Variants in EPRS1 observed in about 807,000 individuals in gnomAD.
EPRS1 encodes the protein glutamyl-prolyl-tRNA synthetase 1, also known as bifunctional glutamate/proline--tRNA ligase.
A neutral mutation model predicts 188.3 loss-of-function variants in EPRS1; 107 were observed. The ratio of observed to expected loss-of-function variants is 0.57; its 90% CI spans 0.49 to 0.67. EPRS1 has a LOEUF of 0.67. EPRS1 is among the 30% of genes least tolerant of loss of function. The pLI is 0.00. For synonymous variants in EPRS1, 596 were observed against 593.1 expected, an observed-to-expected ratio of 1.00 and a Z score of -0.07; for missense variants, 1,577 against 1,802.2, an observed-to-expected ratio of 0.88 and a Z score of 2.26.
At chr1:220,023,914 G>T (rs1661921740) in intron 8 of EPRS1, among the ~76,000 whole-genome samples, 1 of 152,220 alleles carries the variant, frequency 6.6e-6, no homozygotes, top group South Asian at 2.1e-4. Flanking sequence ...GGCACTTTGG[G>T]AGGCCAAGGC....
chr1:219,991,811 T>C (rs960992754), intron 18 of EPRS1, among the ~76,000 whole-genome samples: 5 of 152,180 alleles, frequency 3.3e-5, no homozygotes, highest in African/African-American at 1.2e-4. Flanking sequence ...ACAATTTACC[T>C]GCTATTTTTC....
At chr1:220,025,375 C>A in intron 6 of EPRS1, 117 bp from the exon 7 acceptor site, 14 of 606,252 alleles carry the variant, frequency 2.3e-5, no homozygotes, top group East Asian at 7.0e-5. Context: ...GTACCCAAGT[C>A]ATATTTTATT....
Position 219,973,322 on chromosome 1 carries a change from C to G in EPRS1, c.4160G>C (p.Gly1387Ala), listed in dbSNP as rs772288633. The change falls in exon 29 of 32, where the codon GGA (glycine) becomes GCA (alanine). Residue 1387 changes from glycine (G) to alanine (A), a missense_variant. Transcript: ENST00000366923. ...CQFVAVRRDT[G>A]EKLTVAENEA... ...ATTTTCAGCAACTGTCAGCTTTTCT[C>G]CAGTATCTCGTCTGACGGCTACAAA... The G allele has an allele frequency of 1.9e-6, 3 of 1,612,250 alleles. No homozygotes were observed. Among genetic ancestry groups the G allele is most frequent in the African/African-American group, 2.7e-5 (2 of 74,360 alleles).
At chr1:220,040,115 G>T in intron 2 of EPRS1, 70 bp downstream of exon 2, 1 of 993,488 alleles carries the variant, frequency 1.0e-6, no homozygotes, top group Non-Finnish European at 1.6e-6. Flanking sequence ...GGGAGACTCT[G>T]TCTCTAAAAA....
chr1:220,024,471 C>G lies in EPRS1; in HGVS notation c.751-15G>C. 1.3e-6 allele frequency: 2 copies of G among 1,568,450 alleles called. No homozygotes were observed. The highest frequency in any genetic ancestry group is 2.4e-5 in the South Asian group (2 of 84,696). ...TCCAAGATAACCTGTAGTAAGAAAC[C>G]AAAATAACCATCAGTATATCTTTTG... On this transcript the variant is annotated splice_polypyrimidine_tract_variant and intron_variant, in intron 7 of 31. Transcript: ENST00000366923.
At chr1:220,038,960 A>C (rs1373221398) in intron 2 of EPRS1, among the ~76,000 whole-genome samples, 1 of 152,106 alleles carries the variant, frequency 6.6e-6, no homozygotes, top group Non-Finnish European at 1.5e-5. Flanking sequence ...ATCCACAAGG[A>C]GGGGACTTAA....
At chr1:219,984,426 GTTTTGT>G (rs1558045111) in intron 20 of EPRS1, among the ~76,000 whole-genome samples, 169 bp from the exon 21 acceptor site, 1 of 151,972 alleles carries the variant, frequency 6.6e-6, no homozygotes, top group African/African-American at 2.4e-5. Flanking sequence ...TTGTTTTCTT[GTTTTGT>G]TTTTGAGACA....
intron 6 of EPRS1, among the ~76,000 whole-genome samples, chr1:220,029,222 A>C (rs138498525): frequency 1.3e-5 from 2 of 152,268 alleles, no homozygotes; most frequent in Non-Finnish European, 2.9e-5. Context: ...CAAGATGTCT[A>C]TAGATATTAA....
intron 18 of EPRS1, among the ~76,000 whole-genome samples, chr1:219,989,449 C>G (rs1258994416): frequency 1.3e-5 from 2 of 151,380 alleles, no homozygotes; most frequent in Non-Finnish European, 2.9e-5. Context: ...GCAAAGGGCC[C>G]AAGCTGGACA....
intron 17 of EPRS1, among the ~76,000 whole-genome samples, chr1:219,998,335 G>A (rs1407538049): frequency 1.3e-5 from 2 of 151,934 alleles, no homozygotes; most frequent in Non-Finnish European, 2.9e-5. Flanking sequence ...ATTTTACACA[G>A]GCGTTAGGCT....
intron 2 of EPRS1, among the ~76,000 whole-genome samples, chr1:220,037,684 A>G (rs900107336): frequency 6.6e-6 from 1 of 152,124 alleles, no homozygotes; most frequent in Non-Finnish European, 1.5e-5. Context: ...GAAAGAGGCA[A>G]CCAAATGCCC....
At chr1:220,006,858 T>C (rs1394962438) in intron 14 of EPRS1, among the ~76,000 whole-genome samples, 2 of 152,212 alleles carry the variant, frequency 1.3e-5, no homozygotes, top group Non-Finnish European at 2.9e-5. Context: ...AGTAAAAAGA[T>C]TATGTTATAC....
intron 14 of EPRS1, among the ~76,000 whole-genome samples, chr1:220,006,656 T>C (rs1185694832): frequency 6.6e-6 from 1 of 152,192 alleles, no homozygotes; most frequent in Non-Finnish European, 1.5e-5. Flanking sequence ...TTACTATGTT[T>C]AAAAACATTT....
intron 6 of EPRS1, 28 bp downstream of exon 6, chr1:220,030,358 A>G (rs1662061213): frequency 1.4e-6 from 2 of 1,445,548 alleles, no homozygotes; most frequent in African/African-American, 1.4e-5. Flanking sequence ...AATATATTCA[A>G]TTATAAATGT....
chr1:219,986,089 T>C (rs967519051), intron 20 of EPRS1, among the ~76,000 whole-genome samples: 2 of 152,208 alleles, frequency 1.3e-5, no homozygotes, highest in Admixed American at 6.5e-5. Context: ...TAAAGAGACA[T>C]TGTGTATATG....
At chr1:220,009,434 A>T (rs753188251) in intron 13 of EPRS1, among the ~76,000 whole-genome samples, 38 of 152,204 alleles carry the variant, frequency 2.5e-4, no homozygotes, top group Non-Finnish European at 4.1e-4. Flanking sequence ...AGCTGAAATA[A>T]AACAACTCTT....
intron 12 of EPRS1, among the ~76,000 whole-genome samples, chr1:220,012,410 C>T (rs1375014968): frequency 6.6e-6 from 1 of 152,194 alleles, no homozygotes; most frequent in African/African-American, 2.4e-5. Flanking sequence ...TTCATTGCAG[C>T]TGTTTCCTCC....
Position 220,001,248 on chromosome 1 carries a change from T to C in EPRS1, c.2071A>G (p.Ser691Gly), listed in dbSNP as rs1340761146. ...AAAACACACGGGGCTTCCTTGCAAC[T>C]ATATGGGCTAAAAAGAAAATAAAGG... ...DQPYEPVSPY[S>G]CKEAPCVLIY... The change falls in exon 17 of 32, where the codon AGT (serine) becomes GGT (glycine). Residue 691 changes from serine to glycine, a missense_variant. Physicochemically the swap from Ser to Gly is moderately conservative, Grantham distance 56. This residue lies in a region of EPRS1 where 1,278 missense variants were observed against 1,457.4 expected (regional missense o/e 0.88). Coordinates refer to ENST00000366923, the MANE Select transcript of EPRS1 (RefSeq NM_004446.3). 6.3e-7 allele frequency: 1 copy of C among 1,598,012 alleles called. No homozygotes were observed. The highest frequency in any genetic ancestry group is 8.6e-7 in the Non-Finnish European group (1 of 1,165,368).
intron 5 of EPRS1, among the ~76,000 whole-genome samples, chr1:220,031,611 T>C (rs1662085412): frequency 6.6e-6 from 1 of 152,218 alleles, no homozygotes; most frequent in African/African-American, 2.4e-5. Flanking sequence ...AATTTTACAT[T>C]AGAAAACCTT....
Sources: allele counts gnomAD v4.1 joint callset (sites outside exome capture counted in the v4.1 genomes callset), GRCh38; gene constraint gnomAD v4.1.1; regional missense constraint gnomAD v4.1.1; transcripts MANE v1.5; gene names NCBI Gene and HGNC (gene_info 2026-07-23, HGNC 2026-07-21).